ANKH: variants seen among roughly 807,000 people sequenced by gnomAD.
ANKH encodes ANKH inorganic pyrophosphate transport regulator, also known as mineralization regulator ANKH.
A neutral mutation model predicts 49.0 loss-of-function variants in ANKH; 15 were observed. That is an observed-to-expected ratio of 0.31 (90% CI 0.20 to 0.47). The LOEUF is 0.47. Ranked by LOEUF, ANKH falls within the 20% of genes least tolerant of loss-of-function variation. ANKH has a pLI of 1.00. For synonymous variants in ANKH, 273 were observed against 260.0 expected, an observed-to-expected ratio of 1.05 and a Z score of -0.48; for missense variants, 429 against 652.0, an observed-to-expected ratio of 0.66 and a Z score of 3.72.
chr5:14,788,265 T>C (rs1280251394), intron 1 of ANKH: 1 of 152,248 alleles, frequency 6.6e-6, no homozygotes, highest in East Asian at 1.9e-4. Flanking sequence ...GGTCAATTCC[T>C]TCCTCCCTCA....
At chr5:14,793,444 G>A (rs1740268921) in intron 1 of ANKH, among the ~76,000 whole-genome samples, 1 of 152,094 alleles carries the variant, frequency 6.6e-6, no homozygotes, top group African/African-American at 2.4e-5. Flanking sequence ...ACGTTAAACT[G>A]GCAGTGTGGT....
chr5:14,844,284 T>C (rs1274603040), intron 1 of ANKH, among the ~76,000 whole-genome samples: 1 of 152,230 alleles, frequency 6.6e-6, no homozygotes, highest in African/African-American at 2.4e-5. Context: ...TAGGCATGCT[T>C]ATTTTCTAAA....
chr5:14,776,508 T>G (rs1298110231), intron 1 of ANKH, among the ~76,000 whole-genome samples: 1 of 152,174 alleles, frequency 6.6e-6, no homozygotes, highest in African/African-American at 2.4e-5. Flanking sequence ...GGAGTAAATC[T>G]AAACACATGA....
At chr5:14,773,353 CTTTTTTTTTTTTTT>C (rs71603741) in intron 1 of ANKH, among the ~76,000 whole-genome samples, 1 of 77,016 alleles carries the variant, frequency 1.3e-5, no homozygotes, top group African/African-American at 5.0e-5. Context: ...GCAAAGCATT[CTTTTTTTTTTTTTT>C]TTTTTTTTTT....
chr5:14,808,017 T>C (rs1740758224), intron 1 of ANKH, among the ~76,000 whole-genome samples: 1 of 152,284 alleles, frequency 6.6e-6, no homozygotes, highest in East Asian at 1.9e-4. Flanking sequence ...GAAATTGTTT[T>C]GCAAAGAGTA....
At position 14,871,603 on chromosome 5, in the gene ANKH, C is replaced by A. The variant is rs987589854; in HGVS notation, c.-156G>T. ...GCGCGGCGGCGGCGGCTCCTCCTCG[C>A]GGCTGCGGCGCCTTCTCCGAGCGCG... On this transcript the variant is annotated 5_prime_UTR_variant, in exon 1 of 12. Coordinates refer to ENST00000284268, the MANE Select transcript of ANKH (RefSeq NM_054027.6). 6.6e-5 allele frequency: 13 copies of A among 198,250 alleles called. No homozygotes were observed. The highest frequency in any genetic ancestry group is 1.3e-4 in the Admixed American group (2 of 15,612). The allele number at this position is 198,250 out of a possible 1,614,324, so 12.3% of individuals were successfully genotyped here. A position where few individuals can be genotyped will look rare whatever the true frequency, so the allele number is the denominator to read the frequency against.
chr5:14,850,522 G>T (rs1050468056), intron 1 of ANKH, among the ~76,000 whole-genome samples: 1 of 152,226 alleles, frequency 6.6e-6, no homozygotes, highest in African/African-American at 2.4e-5. Context: ...GAGTCTGGAA[G>T]CCAGAAGCCA....
chr5:14,862,965 T>C (rs1051250147), intron 1 of ANKH, among the ~76,000 whole-genome samples: 13 of 152,188 alleles, frequency 8.5e-5, no homozygotes, highest in Non-Finnish European at 1.8e-4. Context: ...CCTGGCATTC[T>C]AGTGAATTTT....
At chr5:14,778,902 C>T (rs188717512) in intron 1 of ANKH, among the ~76,000 whole-genome samples, 20 of 152,280 alleles carry the variant, frequency 1.3e-4, no homozygotes, top group African/African-American at 2.2e-4. Context: ...TGGTCTCCAA[C>T]GCCCCCTGCA....
chr5:14,799,380 A>G (rs539071163), intron 1 of ANKH, among the ~76,000 whole-genome samples: 2 of 152,374 alleles, frequency 1.3e-5, no homozygotes, highest in Non-Finnish European at 2.9e-5. Context: ...AGGTGGCTAC[A>G]TTATACAACA....
rs888408688 is a variant in ANKH, at chr5:14,708,903, T to G, written c.*2294A>C. 1 of 152,028 alleles carries G rather than the reference T, an allele frequency of 6.6e-6. No individual in the cohort carries two copies. The highest frequency in any genetic ancestry group is 1.5e-5 in the Non-Finnish European group (1 of 68,036). The allele number at this position is 152,028 out of a possible 1,614,324, so 9.4% of individuals were successfully genotyped here. ...GGATTTAGAGGGAAAGGATTTTTTT[T>G]TTTTTTGAGATGGAGTTTTGCTCTT... On this transcript the variant is annotated 3_prime_UTR_variant, in exon 12 of 12. Transcript: ENST00000284268.
At chr5:14,841,507 G>C (rs13358970) in intron 1 of ANKH, among the ~76,000 whole-genome samples, 2,320 of 152,162 alleles carry the variant, frequency 0.015, 48 homozygotes, top group African/African-American at 0.053. Flanking sequence ...ATGTTGGCCA[G>C]GCTGGTCTCA....
chr5:14,829,340 G>T (rs1741440661), intron 1 of ANKH, among the ~76,000 whole-genome samples: 1 of 152,104 alleles, frequency 6.6e-6, no homozygotes, highest in Non-Finnish European at 1.5e-5. Context: ...ACAGATGCCT[G>T]AAGTCCCCCT....
intron 1 of ANKH, among the ~76,000 whole-genome samples, chr5:14,838,031 C>A (rs1234936027): frequency 6.6e-6 from 1 of 152,002 alleles, no homozygotes; most frequent in Non-Finnish European, 1.5e-5. Context: ...CCAAACACTG[C>A]ATGTTATCAC....
intron 1 of ANKH, among the ~76,000 whole-genome samples, chr5:14,840,389 T>C (rs757321780): frequency 8.7e-4 from 132 of 152,298 alleles, no homozygotes; most frequent in South Asian, 1.5e-3. Flanking sequence ...CCAAATTAAG[T>C]TGTTTGTGCT....
At chr5:14,860,989 G>A (rs1237798017) in intron 1 of ANKH, among the ~76,000 whole-genome samples, 1 of 152,048 alleles carries the variant, frequency 6.6e-6, no homozygotes, top group African/African-American at 2.4e-5. Context: ...CACCATGTTG[G>A]TCAGGCTGGC....
intron 1 of ANKH, among the ~76,000 whole-genome samples, chr5:14,807,664 T>G (rs1426039561): frequency 6.6e-6 from 1 of 152,196 alleles, no homozygotes; most frequent in Non-Finnish European, 1.5e-5. Context: ...AGTCTATATG[T>G]CAGCAAAGTG....
At chr5:14,812,113 A>G (rs1438469707) in intron 1 of ANKH, among the ~76,000 whole-genome samples, 19 of 107,720 alleles carry the variant, frequency 1.8e-4, no homozygotes. Context: ...TTCTGTATTT[A>G]TCTTAAAAAA....
rs1202831554 is a variant in ANKH at position 14,871,537 on chromosome 5, G to C, written c.-90C>G. 9.9e-7 allele frequency: 1 copy of C among 1,010,604 alleles called. No individual in the cohort carries two copies. 62.6% of individuals were successfully genotyped at this position (1,010,604 alleles called of 1,614,324 possible). A position where few individuals can be genotyped will look rare whatever the true frequency, so the allele number is the denominator to read the frequency against. On this transcript the variant is annotated 5_prime_UTR_variant, in exon 1 of 12. Coordinates refer to ENST00000284268, the MANE Select transcript of ANKH (RefSeq NM_054027.6). ...GGGGCGACGGGGCGACGGGGCGAGC[G>C]GGGCGCGGGCCGACAGAGGCCGCGG...
Sources: allele counts gnomAD v4.1 joint callset (sites outside exome capture counted in the v4.1 genomes callset), GRCh38; gene constraint gnomAD v4.1.1; transcripts MANE v1.5; gene names NCBI Gene and HGNC (gene_info 2026-07-23, HGNC 2026-07-21).